RBP4: variants seen among roughly 807,000 people sequenced by gnomAD.
RBP4 encodes retinol-binding protein 4.
RBP4 carries 9 observed loss-of-function variants against 26.2 expected under a neutral mutation model. That is an observed-to-expected ratio of 0.34 (90% CI 0.21 to 0.60). The LOEUF (loss-of-function observed/expected upper bound fraction) is 0.60, where lower values mean the gene tolerates loss of function less well. RBP4 is among the 20% of genes least tolerant of loss of function. RBP4 has a pLI of 0.80. For synonymous variants in RBP4, 114 were observed against 111.0 expected (o/e 1.03, Z -0.17); for missense variants, 244 against 271.3 (o/e 0.90, Z 0.71).
At chr10:93,593,444 C>G (rs1382674247) in intron 5 of RBP4, among the ~76,000 whole-genome samples, 2 of 152,104 alleles carry the variant, frequency 1.3e-5, no homozygotes, top group African/African-American at 4.8e-5. Flanking sequence ...TCAATGGCCA[C>G]ATGAACTGCC....
chr10:93,600,968 C>CG lies in RBP4; in HGVS notation c.60dup (p.Asp21ArgfsTer64). 1 of 1,612,362 alleles carries CG rather than the reference C, an allele frequency of 6.2e-7. No individual in the cohort carries two copies. The highest frequency in any genetic ancestry group is 8.5e-7 in the Non-Finnish European group (1 of 1,179,752). ...ACTCGGAAGCTGCTCACTCGGCAGT[C>CG]GCGCTCCGCGCGGCCGCTGCCCAGC... On this transcript the variant is annotated frameshift_variant, in exon 2 of 6. Transcript: ENST00000371464. LOFTEE classifies it high-confidence loss of function.
intron 5 of RBP4, among the ~76,000 whole-genome samples, chr10:93,592,484 T>A (rs17108990): frequency 7.2e-5 from 11 of 152,164 alleles, no homozygotes; most frequent in Non-Finnish European, 1.3e-4. Flanking sequence ...GTGATGGTTT[T>A]ATAAAGTGCT....
chr10:93,599,499 C>T lies in RBP4; in HGVS notation c.355+894G>A, dbSNP rs2058322401. On this transcript the variant is annotated intron_variant, in intron 4 of 5. Coordinates refer to ENST00000371464, the MANE Select transcript of RBP4 (RefSeq NM_006744.4). ...AGCTGGTCTGGATTAGGAGTCCCTG[C>T]AGTTCAGGGCCACCTGATCCTGGCC... 2.0e-5 allele frequency among the ~76,000 whole-genome samples: 3 copies of T among 152,182 alleles called. No homozygotes were observed. In the South Asian group the frequency reaches 6.2e-4, roughly 32 times the overall value.
chr10:93,600,980 G>C lies in RBP4; in HGVS notation c.49C>G (p.Arg17Gly). Residue 17 changes from arginine to glycine, a missense_variant, in exon 2 of 6, where the codon CGC becomes GGC. By Grantham distance (125) the Arg-to-Gly change is moderately radical. Transcript: ENST00000371464. ...CTCACTCGGCAGTCGCGCTCCGCGC[G>C]GCCGCTGCCCAGCGCCGCCAACAGC... ...LLLLAALGSG[R>G]AERDCRVSSF... 6.2e-7 allele frequency: 1 copy of C among 1,612,324 alleles called. No individual in the cohort carries two copies.
At chr10:93,599,247 T>TA (rs1034604837) in intron 4 of RBP4, among the ~76,000 whole-genome samples, 257 of 144,120 alleles carry the variant, frequency 1.8e-3, no homozygotes, top group African/African-American at 4.4e-3. Context: ...ACCCTGTCTC[T>TA]AAAAAAAAAA....
intron 4 of RBP4, among the ~76,000 whole-genome samples, chr10:93,594,522 C>T (rs1049519381): frequency 2.6e-5 from 4 of 152,182 alleles, no homozygotes; most frequent in African/African-American, 9.7e-5. Context: ...GACCGGGCTG[C>T]CCCCCGCTCT....
chr10:93,592,815 T>G lies in RBP4; in HGVS notation c.569-703A>C, dbSNP rs374537942. Among the ~76,000 whole-genome samples, 19 of 151,120 alleles carry G rather than the reference T, an allele frequency of 1.3e-4. No homozygotes were observed. The East Asian group carries it at 2.7e-3, about 22-fold the overall frequency. ...ACAGAAATGCTCCATTTTGTTTGATTATTATTATTATTATTTTTTTGAGGC... is the reference window on the plus strand; with the variant it reads ...ACAGAAATGCTCCATTTTGTTTGATGATTATTATTATTATTTTTTTGAGGC... On this transcript the variant is annotated intron_variant, in intron 5 of 5. Transcript: ENST00000371464.
chr10:93,591,712 T>G lies in RBP4; in HGVS notation c.*363A>C. 4.6e-6 allele frequency: 1 copy of G among 218,868 alleles called. No homozygotes were observed. Among genetic ancestry groups the G allele is most frequent in the Non-Finnish European group, 9.1e-6 (1 of 109,408 alleles). The allele number at this position is 218,868 out of a possible 1,614,324, so 13.6% of individuals were successfully genotyped here. A position where few individuals can be genotyped will look rare whatever the true frequency, so the allele number is the denominator to read the frequency against. On this transcript the variant is annotated 3_prime_UTR_variant, in exon 6 of 6. Transcript: ENST00000371464. ...CAGGAAGTTGGGAGAAGCCAGTATT[T>G]AATAATGGAGATTAGGCACTAGAAC...
At chr10:93,594,123 C>T in intron 4 of RBP4, 88 bp from the exon 5 acceptor site, 1 of 1,203,224 alleles carries the variant, frequency 8.3e-7, no homozygotes, top group Non-Finnish European at 1.2e-6. Flanking sequence ...CCTGAGAACA[C>T]AGTGACTTCC....
chr10:93,594,844 T>C (rs1051646811), intron 4 of RBP4, among the ~76,000 whole-genome samples: 4 of 152,130 alleles, frequency 2.6e-5, no homozygotes, highest in Admixed American at 2.6e-4. Context: ...GAATGTTAAT[T>C]AGAGTATATG....
chr10:93,600,605 C>A (rs1284416759), intron 3 of RBP4, 62 bp downstream of exon 3: 16 of 1,612,422 alleles, frequency 9.9e-6, no homozygotes, highest in Non-Finnish European at 1.4e-5. Flanking sequence ...TGGCGATCAG[C>A]AGGCAGGGCC....
In RBP4 at chr10:93,600,758, G is replaced by C. The variant is rs780211759; in HGVS notation, c.157C>G (p.Leu53Val). 2.5e-6 allele frequency: 4 copies of C among 1,611,726 alleles called. No homozygotes were observed. In the East Asian group the frequency reaches 6.7e-5, roughly 27 times the overall value. Residue 53 changes from leucine (L) to valine (V), a missense_variant, in exon 3 of 6, where the codon CTC becomes GTC. Transcript: ENST00000371464. ...YAMAKKDPEG[L>V]FLQDNIVAEF... ...GCGACGATGTTGTCCTGCAGAAAGA[G>C]GCCCTCGGGGTCCTTCTTGGCCATG...
At chr10:93,593,569 G>A (rs1050901932) in intron 5 of RBP4, among the ~76,000 whole-genome samples, 4 of 152,088 alleles carry the variant, frequency 2.6e-5, no homozygotes, top group African/African-American at 9.7e-5. Context: ...AGAATAAAAA[G>A]AAAAGAGAGC....
chr10:93,601,228 A>T lies in RBP4; in HGVS notation c.-76T>A. 1 of 1,243,364 alleles carries T rather than the reference A, an allele frequency of 8.0e-7. No individual in the cohort carries two copies. The highest frequency in any genetic ancestry group is 1.0e-6 in the Non-Finnish European group (1 of 998,750). The allele number at this position is 1,243,364 out of a possible 1,614,324, so 77.0% of individuals were successfully genotyped here. ...GCCGAGTCCGGGCGCGCGTGGAGCGAGGGAGGCGAGCGCGCCGCGGCCGCC... is the reference window on the plus strand; with the variant it reads ...GCCGAGTCCGGGCGCGCGTGGAGCGTGGGAGGCGAGCGCGCCGCGGCCGCC... On this transcript the variant is annotated 5_prime_UTR_variant, in exon 1 of 6. Coordinates refer to ENST00000371464, the MANE Select transcript of RBP4 (RefSeq NM_006744.4).
chr10:93,598,037 A>G (rs1252632189), intron 4 of RBP4, among the ~76,000 whole-genome samples: 1 of 152,228 alleles, frequency 6.6e-6, no homozygotes, highest in Non-Finnish European at 1.5e-5. Context: ...GCCTTTTTAC[A>G]AGCCATGGGT....
At chr10:93,593,432 C>A (rs372576568) in intron 5 of RBP4, among the ~76,000 whole-genome samples, 20 of 152,164 alleles carry the variant, frequency 1.3e-4, no homozygotes, top group East Asian at 1.2e-3. Context: ...GGAGTTTTTA[C>A]GTCAATGGCC....
Position 93,600,401 on chromosome 10 carries a change from T to C in RBP4, c.347A>G (p.Gln116Arg). Residue 116 changes from glutamine to arginine, a missense_variant, in exon 4 of 6, where the codon CAG becomes CGG. By Grantham distance (43) the Gln-to-Arg change is conservative. Coordinates refer to ENST00000371464, the MANE Select transcript of RBP4 (RefSeq NM_006744.4). ...MKYWGVASFLQKGNDDHWIVD... is the reference protein window; with the variant it reads ...MKYWGVASFLRKGNDDHWIVD... Reference sequence around the variant, plus strand: ...CAGAGCTGACTACTCACTTCCTTTCTGGAGAAAGGAGGCTACGCCCCAGTA... The same window carrying C: ...CAGAGCTGACTACTCACTTCCTTTCCGGAGAAAGGAGGCTACGCCCCAGTA... The C allele has an allele frequency of 6.2e-7, 1 of 1,613,976 alleles. No individual in the cohort carries two copies. The highest frequency in any genetic ancestry group is 8.5e-7 in the Non-Finnish European group (1 of 1,179,904).
intron 5 of RBP4, among the ~76,000 whole-genome samples, chr10:93,592,912 G>A (rs1197628823): frequency 1.3e-5 from 2 of 152,026 alleles, no homozygotes; most frequent in African/African-American, 4.8e-5. Context: ...CCGCCTCCCG[G>A]GCTCAAGTAA....
Position 93,593,886 on chromosome 10 carries a change from T to C in RBP4, c.505A>G (p.Ile169Val), listed in dbSNP as rs766167167. 43 of 1,613,532 alleles carry C rather than the reference T, an allele frequency of 2.7e-5. No individual in the cohort carries two copies. In the Admixed American group the frequency reaches 7.2e-4, roughly 27 times the overall value. The part of the protein sequence containing the change: ...PNGLPPEAQK[I>V]VRQRQEELCL... ...AGCTCCTCCTGCCGCTGCCTTACAA[T>C]CTTCTGCGCTTCTGGGGGCAGGCCG... is the stretch of plus-strand genomic sequence containing the variant. The change falls in exon 5 of 6, where the codon ATT becomes GTT. Residue 169 changes from isoleucine (I) to valine (V), a missense_variant. By Grantham distance (29) the Ile-to-Val change is conservative. Transcript: ENST00000371464.
Sources: gnomAD v4.1 joint callset for allele counts (sites outside exome capture counted in the v4.1 genomes callset) on GRCh38, gnomAD v4.1.1 for gene constraint, MANE v1.5 for transcripts, NCBI Gene and HGNC (gene_info 2026-07-23, HGNC 2026-07-21) for gene names.